The following MGAT4C variants were observed in gnomAD, a reference collection of about 807,000 sequenced individuals.
The protein encoded by MGAT4C is alpha-1,3-mannosyl-glycoprotein 4-beta-N-acetylglucosaminyltransferase C.
In MGAT4C, 19 loss-of-function variants were observed where a neutral mutation model predicts 40.1. That is an observed-to-expected ratio of 0.47 (90% CI 0.33 to 0.70). The LOEUF (loss-of-function observed/expected upper bound fraction) is 0.70, where lower values mean the gene tolerates loss of function less well. MGAT4C is among the 30% of genes least tolerant of loss of function. The probability of loss-of-function intolerance (pLI) is 0.02; values close to 1 mark genes in which losing one functional copy is unlikely to be tolerated. For synonymous variants in MGAT4C, 181 were observed against 187.1 expected (o/e 0.97, Z 0.27); for missense variants, 491 against 563.2 (o/e 0.87, Z 1.30).
At chr12:86,008,096 A>G (rs1166543864) in intron 2 of MGAT4C, among the ~76,000 whole-genome samples, 1 of 152,004 alleles carries the variant, frequency 6.6e-6, no homozygotes, top group Admixed American at 6.6e-5. Flanking sequence ...AGTCATTTGC[A>G]TTACTATGGA....
intron 2 of MGAT4C, among the ~76,000 whole-genome samples, chr12:86,561,811 C>A (rs1011071992): frequency 1.3e-5 from 2 of 152,098 alleles, no homozygotes; most frequent in East Asian, 3.9e-4. Context: ...TGGTACCAGG[C>A]GTGTTTCTAG....
intron 1 of MGAT4C, among the ~76,000 whole-genome samples, chr12:86,212,924 A>AAC (rs1555249504): frequency 1.4e-5 from 2 of 143,676 alleles, no homozygotes; most frequent in Non-Finnish European, 3.0e-5. Flanking sequence ...AAAAAAAAGA[A>AAC]CACTCATTAA....
intron 3 of MGAT4C, among the ~76,000 whole-genome samples, chr12:86,381,538 C>T (rs1200164668): frequency 6.6e-6 from 1 of 152,118 alleles, no homozygotes; most frequent in Non-Finnish European, 1.5e-5. Flanking sequence ...AGAGACTGTG[C>T]CTGCCAACAG....
chr12:86,478,473 G>C (rs1448572842), intron 2 of MGAT4C, among the ~76,000 whole-genome samples: 1 of 152,118 alleles, frequency 6.6e-6, no homozygotes, highest in Non-Finnish European at 1.5e-5. Context: ...AGTGAACTAA[G>C]TAAATCCTTA....
At chr12:86,555,687 T>C (rs1959576692) in intron 2 of MGAT4C, among the ~76,000 whole-genome samples, 2 of 152,158 alleles carry the variant, frequency 1.3e-5, no homozygotes, top group South Asian at 4.1e-4. Flanking sequence ...ACAGAGCAAA[T>C]GCTAAACCAT....
chr12:86,081,768 G>A (rs1215364724), intron 1 of MGAT4C, among the ~76,000 whole-genome samples: 2 of 152,074 alleles, frequency 1.3e-5, no homozygotes, highest in Non-Finnish European at 2.9e-5. Flanking sequence ...GGAAAAAAAT[G>A]TGCTCTAAAC....
intron 1 of MGAT4C, among the ~76,000 whole-genome samples, chr12:86,076,806 C>T (rs1366899523): frequency 1.3e-5 from 2 of 152,088 alleles, no homozygotes; most frequent in Non-Finnish European, 2.9e-5. Flanking sequence ...CTGGGAGATA[C>T]AATTCAAGTT....
chr12:85,993,131 G>A (rs1480033259), intron 2 of MGAT4C, among the ~76,000 whole-genome samples: 1 of 152,264 alleles, frequency 6.6e-6, no homozygotes, highest in East Asian at 1.9e-4. Context: ...GTTTTCAAAT[G>A]GTCCTGACAG....
At chr12:86,032,154 T>A (rs575861057) in intron 2 of MGAT4C, among the ~76,000 whole-genome samples, 2 of 152,130 alleles carry the variant, frequency 1.3e-5, no homozygotes, top group East Asian at 3.9e-4. Context: ...GTTTTCTTTA[T>A]GTATTCTACC....
intron 2 of MGAT4C, among the ~76,000 whole-genome samples, chr12:86,532,134 T>C (rs1958996794): frequency 6.6e-6 from 1 of 152,006 alleles, no homozygotes; most frequent in Admixed American, 6.6e-5. Flanking sequence ...ATTCCTATAC[T>C]TTAAATGACG....
chr12:86,573,467 C>T (rs1388217795), intron 2 of MGAT4C, among the ~76,000 whole-genome samples: 1 of 151,924 alleles, frequency 6.6e-6, no homozygotes, highest in Non-Finnish European at 1.5e-5. Flanking sequence ...TTTATAAACT[C>T]CCACACATTC....
intron 1 of MGAT4C, among the ~76,000 whole-genome samples, chr12:86,793,957 A>C (rs1290780428): frequency 6.6e-6 from 1 of 152,002 alleles, no homozygotes; most frequent in Non-Finnish European, 1.5e-5. Context: ...AAATAGGCCA[A>C]GAATTTGGAA....
At chr12:86,489,912 A>G (rs537726777) in intron 2 of MGAT4C, among the ~76,000 whole-genome samples, 30 of 152,292 alleles carry the variant, frequency 2.0e-4, no homozygotes, top group African/African-American at 7.0e-4. Flanking sequence ...TCCAAGAAAT[A>G]TGGGACTATG....
chr12:86,012,850 G>A (rs1888640173), intron 2 of MGAT4C, among the ~76,000 whole-genome samples: 2 of 151,482 alleles, frequency 1.3e-5, no homozygotes, highest in Non-Finnish European at 2.9e-5. Flanking sequence ...TGGGCCTGGT[G>A]CAGTGGCTCG....
chr12:86,503,877 T>C (rs1203378838), intron 2 of MGAT4C, among the ~76,000 whole-genome samples: 1 of 138,460 alleles, frequency 7.2e-6, no homozygotes, highest in Non-Finnish European at 1.5e-5. Context: ...AAAAATAAAT[T>C]TCATTATAAA....
rs73393154 is a variant in MGAT4C, at chr12:86,776,032, C to A, written c.-261-48791G>T. ...AGAAATTTGCATATAAAATCAATGA[C>A]GTTTCTGTTTATTTTATAAATACCT... On this transcript the variant is annotated intron_variant, in intron 1 of 7. Coordinates refer to the MGAT4C transcript ENST00000548651. Among the ~76,000 whole-genome samples the A allele has an allele frequency of 3.4e-3, 516 of 151,908 alleles. 7 individuals carry two copies. Among genetic ancestry groups the A allele is most frequent in the African/African-American group, 0.012 (500 of 41,476 alleles).
chr12:85,984,856 A>G (rs1202510987), intron 3 of MGAT4C, among the ~76,000 whole-genome samples: 1 of 151,818 alleles, frequency 6.6e-6, no homozygotes, highest in Non-Finnish European at 1.5e-5. Context: ...TCTGCTCACT[A>G]TAACCTCCGC....
chr12:86,465,932 G>C (rs898821780), intron 2 of MGAT4C, among the ~76,000 whole-genome samples: 1 of 152,132 alleles, frequency 6.6e-6, no homozygotes. Flanking sequence ...ATGTAGGCCG[G>C]GAGTGGTGGC....
intron 2 of MGAT4C, chr12:86,013,827 AT>A (rs1215125807): frequency 1.2e-5 from 10 of 822,348 alleles, no homozygotes; most frequent in Non-Finnish European, 1.5e-5. Context: ...AAATATTATC[AT>A]TTTCCATCAT....
Sources: gnomAD v4.1 joint callset for allele counts (sites outside exome capture counted in the v4.1 genomes callset) on GRCh38, gnomAD v4.1.1 for gene constraint, MANE v1.5 for transcripts, NCBI Gene and HGNC (gene_info 2026-07-23, HGNC 2026-07-21) for gene names.